LRRTM4: variants seen among roughly 807,000 people sequenced by gnomAD.
LRRTM4 encodes the protein leucine-rich repeat transmembrane neuronal protein 4.
A neutral mutation model predicts 47.6 loss-of-function variants in LRRTM4; 25 were observed. The observed-to-expected ratio is 0.53, with a 90% CI of 0.38 to 0.73. The LOEUF (loss-of-function observed/expected upper bound fraction) is 0.73. LRRTM4 is among the 30% of genes least tolerant of loss of function. The pLI, the probability that LRRTM4 is intolerant of heterozygous loss-of-function variation, is 0.00. For synonymous variants in LRRTM4, 311 were observed against 269.5 expected, an observed-to-expected ratio of 1.15 and a Z score of -1.51; for missense variants, 638 against 713.4, an observed-to-expected ratio of 0.89 and a Z score of 1.20.
At chr2:77,430,386 A>G (rs1184856291) in intron 3 of LRRTM4, among the ~76,000 whole-genome samples, 1 of 152,120 alleles carries the variant, frequency 6.6e-6, no homozygotes, top group Non-Finnish European at 1.5e-5. Flanking sequence ...TGTTATAATA[A>G]GACATTTTAG....
intron 3 of LRRTM4, among the ~76,000 whole-genome samples, chr2:76,807,417 T>C (rs1407755981): frequency 3.5e-5 from 3 of 85,354 alleles, no homozygotes; most frequent in Non-Finnish European, 6.2e-5. Context: ...CGTATATATA[T>C]ATATATACAT....
chr2:77,030,848 C>G (rs561827728), intron 3 of LRRTM4, among the ~76,000 whole-genome samples: 2 of 152,276 alleles, frequency 1.3e-5, no homozygotes, highest in African/African-American at 4.8e-5. Flanking sequence ...ACATGCATTT[C>G]TTTTGGCAAT....
chr2:77,242,294 T>C (rs1190572375), intron 3 of LRRTM4, among the ~76,000 whole-genome samples: 1 of 151,986 alleles, frequency 6.6e-6, no homozygotes, highest in Non-Finnish European at 1.5e-5. Context: ...AAAGCACAGG[T>C]AATAAAAGCA....
chr2:76,783,940 A>G (rs927495419), intron 3 of LRRTM4, among the ~76,000 whole-genome samples: 1 of 152,236 alleles, frequency 6.6e-6, no homozygotes, highest in Non-Finnish European at 1.5e-5. Flanking sequence ...CAGATGATTC[A>G]TTAGTAAAAA....
chr2:77,163,564 G>T (rs983682537), intron 3 of LRRTM4, among the ~76,000 whole-genome samples: 1 of 152,098 alleles, frequency 6.6e-6, no homozygotes, highest in Non-Finnish European at 1.5e-5. Context: ...AAATGTTAAG[G>T]GCAGCCAGAG....
At chr2:77,330,085 C>G (rs1670913814) in intron 3 of LRRTM4, among the ~76,000 whole-genome samples, 1 of 152,086 alleles carries the variant, frequency 6.6e-6, no homozygotes, top group East Asian at 1.9e-4. Flanking sequence ...AAATAGCACA[C>G]TTGATTTGGC....
intron 3 of LRRTM4, among the ~76,000 whole-genome samples, chr2:77,050,729 T>C (rs1022060457): frequency 3.3e-5 from 5 of 152,160 alleles, no homozygotes; most frequent in South Asian, 4.1e-4. Flanking sequence ...GATCTTGGCA[T>C]TACTTAACCT....
intron 3 of LRRTM4, among the ~76,000 whole-genome samples, chr2:77,099,864 A>G (rs1289435428): frequency 6.6e-6 from 1 of 152,126 alleles, no homozygotes; most frequent in Non-Finnish European, 1.5e-5. Flanking sequence ...TAAAAATAAA[A>G]TAATAATATA....
intron 3 of LRRTM4, among the ~76,000 whole-genome samples, chr2:76,772,327 A>C (rs1673748035): frequency 6.6e-6 from 1 of 152,130 alleles, no homozygotes; most frequent in African/African-American, 2.4e-5. Context: ...ATTTTTTTTA[A>C]TTAAAGCCAC....
At chr2:77,267,187 A>G (rs1676072298) in intron 3 of LRRTM4, among the ~76,000 whole-genome samples, 1 of 152,192 alleles carries the variant, frequency 6.6e-6, no homozygotes, top group Non-Finnish European at 1.5e-5. Context: ...ATAGAATCGA[A>G]TATTTAAAGG....
At chr2:77,262,655 G>A (rs72809137) in intron 3 of LRRTM4, among the ~76,000 whole-genome samples, 13,053 of 151,618 alleles carry the variant, frequency 0.086, 689 homozygotes, top group East Asian at 0.31. Context: ...TTTGTAAAAT[G>A]TCTTTCAATT....
intron 3 of LRRTM4, among the ~76,000 whole-genome samples, chr2:76,917,708 A>G (rs150344079): frequency 6.6e-6 from 1 of 152,136 alleles, no homozygotes; most frequent in Non-Finnish European, 1.5e-5. Context: ...AAAAAGAAGA[A>G]ATGAGAAGCA....
chr2:76,881,661 G>A (rs1672933685), intron 3 of LRRTM4, among the ~76,000 whole-genome samples: 1 of 151,678 alleles, frequency 6.6e-6, no homozygotes, highest in South Asian at 2.1e-4. Context: ...TAACCACCAT[G>A]AAAAGTAAAA....
intron 3 of LRRTM4, among the ~76,000 whole-genome samples, chr2:76,933,484 T>C (rs146535037): frequency 4.4e-4 from 67 of 152,184 alleles, no homozygotes; most frequent in African/African-American, 1.5e-3. Context: ...AAAAGGTAAA[T>C]AGAATTGGGG....
At chr2:77,522,052 C>T (rs549447911) in intron 1 of LRRTM4, 57 bp downstream of exon 1, 21 of 713,226 alleles carry the variant, frequency 2.9e-5, no homozygotes, top group East Asian at 1.1e-4. Flanking sequence ...CAGCCCATCT[C>T]GGAGGTAACC....
chr2:77,296,447 T>A (rs2104147138), intron 3 of LRRTM4, among the ~76,000 whole-genome samples: 1 of 152,264 alleles, frequency 6.6e-6, no homozygotes, highest in African/African-American at 2.4e-5. Context: ...ATTACAGCAT[T>A]TTTCTTGGGT....
intron 3 of LRRTM4, among the ~76,000 whole-genome samples, chr2:77,076,059 G>T (rs1680328427): frequency 1.3e-5 from 2 of 151,506 alleles, no homozygotes; most frequent in African/African-American, 2.4e-5. Context: ...CACTATGTTG[G>T]TCAGTAAGAC....
At chr2:77,240,085 G>A (rs1202932365) in intron 3 of LRRTM4, among the ~76,000 whole-genome samples, 3 of 151,734 alleles carry the variant, frequency 2.0e-5, no homozygotes, top group African/African-American at 7.3e-5. Flanking sequence ...CAAAAAGTGT[G>A]TCTCTGACCA....
intron 3 of LRRTM4, among the ~76,000 whole-genome samples, chr2:77,365,341 C>A (rs1672401479): frequency 6.6e-6 from 1 of 151,978 alleles, no homozygotes; most frequent in South Asian, 2.1e-4. Context: ...TCCTTCTAAG[C>A]CTGTGTTCCA....
Sources: gnomAD v4.1 joint callset for allele counts (sites outside exome capture counted in the v4.1 genomes callset) on GRCh38, gnomAD v4.1.1 for gene constraint, MANE v1.5 for transcripts, NCBI Gene and HGNC (gene_info 2026-07-23, HGNC 2026-07-21) for gene names.